The following IFITM2 variants were observed in gnomAD, a reference collection of about 807,000 sequenced individuals.
The protein encoded by IFITM2 is interferon-induced transmembrane protein 2.
Under a neutral mutation model 5.9 loss-of-function variants are expected in IFITM2, and 3 were observed. That is an observed-to-expected ratio of 0.51 (90% CI 0.23 to 1.32). IFITM2 has a LOEUF of 1.32. Ranked by LOEUF, IFITM2 falls within the 40% of genes most tolerant of loss-of-function variation. The pLI is 0.18. For missense variants in IFITM2, 159 were observed against 175.9 expected, an observed-to-expected ratio of 0.90 and a Z score of 0.54; for synonymous variants, 76 against 72.4, an observed-to-expected ratio of 1.05 and a Z score of -0.25.
chr11:308,267 G>A lies in IFITM2; in HGVS notation c.75G>A (p.Glu25=). 6.2e-7 allele frequency: 1 copy of A among 1,614,146 alleles called. No homozygotes were observed. The highest frequency in any genetic ancestry group is 8.5e-7 in the Non-Finnish European group (1 of 1,180,018). The change falls in exon 1 of 2, where the codon GAG becomes GAA. Residue 25 remains glutamate (E), a synonymous_variant. Coordinates refer to ENST00000616316, the MANE Select transcript of IFITM2 (RefSeq NM_006435.3). ...CCAACTACGAGATGCTCAAGGAGGA[G>A]CAGGAAGTGGCTATGCTGGGGGTGC... ...QPPNYEMLKE[E]QEVAMLGVPH...
rs2031091 is a variant in IFITM2 at position 307,878 on chromosome 11, A to G, written c.-315A>G. 0.2 allele frequency: 47,228 copies of G among 236,358 alleles called. 7,755 individuals carry two copies. The highest frequency in any genetic ancestry group is 0.53 in the East Asian group (2,347 of 4,468). 14.6% of individuals were successfully genotyped at this position (236,358 alleles called of 1,614,324 possible). ...GCAGGAGCCCTGAACCGGGACAGTG[A>G]GGTCCTGCAGCTGCTGGCCTGGGGT... On this transcript the variant is annotated 5_prime_UTR_variant, in exon 1 of 2. Coordinates refer to ENST00000616316, the MANE Select transcript of IFITM2 (RefSeq NM_006435.3).
At position 308,206 on chromosome 11, in the gene IFITM2, T is replaced by C. The variant is rs199693024; in HGVS notation, c.14T>C (p.Val5Ala). 19 of 1,614,122 alleles carry C rather than the reference T, an allele frequency of 1.2e-5. No individual in the cohort carries two copies. In the East Asian group the frequency reaches 4.0e-4, roughly 34 times the overall value. Residue 5 changes from valine (V) to alanine (A), a missense_variant, in exon 1 of 2, where the codon GTG (valine) becomes GCG (alanine). Coordinates refer to ENST00000616316, the MANE Select transcript of IFITM2 (RefSeq NM_006435.3). ...CCGCTGGTCACCATGAACCACATTG[T>C]GCAAACCTTCTCTCCTGTCAACAGC... MNHI[V>A]QTFSPVNSGQ...
Position 307,970 on chromosome 11 carries a change from C to T in IFITM2, c.-223C>T, listed in dbSNP as rs1822209474. 4 of 524,118 alleles carry T rather than the reference C, an allele frequency of 7.6e-6. 1 individual carries two copies. In the South Asian group the frequency reaches 9.0e-5, roughly 12 times the overall value. 32.5% of individuals were successfully genotyped at this position (524,118 alleles called of 1,614,324 possible). On this transcript the variant is annotated 5_prime_UTR_variant, in exon 1 of 2. Transcript: ENST00000616316. ...CCACTAACAAGATGAGACTTGTGCT[C>T]CTTTGGGCTCTAGAGAGGAAGCCCC... is the stretch of plus-strand genomic sequence containing the variant.
At chr11:308,479 G>A in intron 1 of IFITM2, 41 bp downstream of exon 1, 5 of 1,609,114 alleles carry the variant, frequency 3.1e-6, no homozygotes, top group East Asian at 2.2e-5. Flanking sequence ...GTGCCGGTGA[G>A]CCTGGGGCTC....
rs1058873 is a variant in IFITM2, at chr11:308,178, T to C, written c.-15T>C. On this transcript the variant is annotated 5_prime_UTR_variant, in exon 1 of 2. Transcript: ENST00000616316. Reference sequence around the variant, plus strand: ...ACTGAGAACCATCCCGGTAACCCGATCACCGCTGGTCACCATGAACCACAT... The same window carrying C: ...ACTGAGAACCATCCCGGTAACCCGACCACCGCTGGTCACCATGAACCACAT... The C allele has an allele frequency of 0.3, 482,955 of 1,607,140 alleles. 81,593 individuals are homozygous for C. Among genetic ancestry groups the C allele is most frequent in the East Asian group, 0.73 (32,495 of 44,616 alleles).
intron 1 of IFITM2, 35 bp downstream of exon 1, chr11:308,473 C>G (rs554873373): frequency 6.2e-7 from 1 of 1,610,336 alleles, no homozygotes; most frequent in East Asian, 2.2e-5. Context: ...CAGGGGGTGC[C>G]GGTGAGCCTG....
rs183884765 is a variant in IFITM2 at position 309,274 on chromosome 11, C to G, written c.*109C>G. The G allele has an allele frequency of 7.5e-6, 12 of 1,598,150 alleles. No individual in the cohort carries two copies. The Middle Eastern group carries it at 5.0e-4, about 66-fold the overall frequency. Reference sequence around the variant, plus strand: ...AGAGGCCAGGAGCTCTGCCCTTGACCTGTATTCCACTTACTCCACCTTCCA... The same window carrying G: ...AGAGGCCAGGAGCTCTGCCCTTGACGTGTATTCCACTTACTCCACCTTCCA... On this transcript the variant is annotated 3_prime_UTR_variant, in exon 2 of 2. Transcript: ENST00000616316.
In IFITM2 at chr11:308,454, G is replaced by A. The variant is rs759351734; in HGVS notation, c.246+16G>A. 7 of 1,610,438 alleles carry A rather than the reference G, an allele frequency of 4.3e-6. No individual in the cohort carries two copies. The highest frequency in any genetic ancestry group is 1.7e-5 in the Admixed American group (1 of 59,922). Reference sequence around the variant, plus strand: ...CTCCGTGAAGGTGCGTATGGCCCTGGCGGAAATCCAGGGGGTGCCGGTGAG... The same window carrying A: ...CTCCGTGAAGGTGCGTATGGCCCTGACGGAAATCCAGGGGGTGCCGGTGAG... On this transcript the variant is annotated intron_variant, in intron 1 of 1. Coordinates refer to ENST00000616316, the MANE Select transcript of IFITM2 (RefSeq NM_006435.3).
rs930316481 is a variant in IFITM2, at chr11:309,394, G to A, written c.*229G>A. ...ATTCAATAAAGTGTATATGTTTCTGGTGCTGCTGTGACTTCACCTGGGGAG... is the reference window on the plus strand; with the variant it reads ...ATTCAATAAAGTGTATATGTTTCTGATGCTGCTGTGACTTCACCTGGGGAG... On this transcript the variant is annotated 3_prime_UTR_variant, in exon 2 of 2. Coordinates refer to ENST00000616316, the MANE Select transcript of IFITM2 (RefSeq NM_006435.3). 2.4e-5 allele frequency: 28 copies of A among 1,176,852 alleles called. No individual in the cohort carries two copies. The African/African-American group carries it at 3.4e-4, about 14-fold the overall frequency. The allele number at this position is 1,176,852 out of a possible 1,614,324, so 72.9% of individuals were successfully genotyped here.
intron 1 of IFITM2, 50 bp downstream of exon 1, chr11:308,488 T>G: frequency 6.2e-7 from 1 of 1,606,286 alleles, no homozygotes; most frequent in Admixed American, 1.7e-5. Context: ...AGCCTGGGGC[T>G]CCACCTGCCC....
At position 308,334 on chromosome 11, in the gene IFITM2, C is replaced by T. The variant is rs765468211; in HGVS notation, c.142C>T (p.Arg48Cys). ...CCCGATGTCCACCGTGATCCACATC[C>T]GCAGCGAGACCTCCGTGCCTGACCA... ...APPMSTVIHI[R>C]SETSVPDHVV... Residue 48 changes from arginine (R) to cysteine (C), a missense_variant, in exon 1 of 2, where the codon CGC (arginine) becomes TGC (cysteine). By Grantham distance (180) the Arg-to-Cys change is radical. Coordinates refer to ENST00000616316, the MANE Select transcript of IFITM2 (RefSeq NM_006435.3). The T allele has an allele frequency of 4.3e-5, 69 of 1,613,774 alleles. No homozygotes were observed. The highest frequency in any genetic ancestry group is 2.0e-4 in the Admixed American group (12 of 59,994).
In IFITM2 at chr11:309,139, G is replaced by A. The variant is rs763447078; in HGVS notation, c.373G>A (p.Val125Met). ...FMTILLIIIP[V>M]LVVQAQR ...GACCATTCTGCTCATCATCATCCCA[G>A]TGTTGGTCGTCCAGGCCCAGCGATA... is the stretch of plus-strand genomic sequence containing the variant. Residue 125 changes from valine (V) to methionine (M), a missense_variant, in exon 2 of 2, where the codon GTG becomes ATG. Val to Met is a conservative substitution (Grantham distance 21, BLOSUM62 1). Coordinates refer to ENST00000616316, the MANE Select transcript of IFITM2 (RefSeq NM_006435.3). 1.5e-5 allele frequency: 25 copies of A among 1,614,204 alleles called. No homozygotes were observed. Among genetic ancestry groups the A allele is most frequent in the Non-Finnish European group, 2.0e-5 (24 of 1,180,032 alleles).
intron 1 of IFITM2, among the ~76,000 whole-genome samples, 161 bp downstream of exon 1, chr11:308,599 C>CTGTG (rs965377464): frequency 6.6e-6 from 1 of 151,780 alleles, no homozygotes; most frequent in Non-Finnish European, 1.5e-5. Flanking sequence ...TCTGTGTGAT[C>CTGTG]TGTGTGTGTG....
In IFITM2 at chr11:308,330, C is replaced by T. The variant is rs755913433; in HGVS notation, c.138C>T (p.His46=). The T allele has an allele frequency of 6.2e-7, 1 of 1,613,956 alleles. No homozygotes were observed. The highest frequency in any genetic ancestry group is 8.5e-7 in the Non-Finnish European group (1 of 1,179,900). The part of the protein sequence containing the change: ...NPAPPMSTVI[H]IRSETSVPDH... ...CTCCCCCGATGTCCACCGTGATCCA[C>T]ATCCGCAGCGAGACCTCCGTGCCTG... The change falls in exon 1 of 2, where the codon CAC becomes CAT. Residue 46 remains histidine (H), a synonymous_variant. Transcript: ENST00000616316.
In IFITM2 at chr11:309,365, T is replaced by C. The variant is rs1846000345; in HGVS notation, c.*200T>C. The C allele has an allele frequency of 5.1e-6, 7 of 1,377,984 alleles. No individual in the cohort carries two copies. In the South Asian group the frequency reaches 5.5e-5, roughly 11 times the overall value. 85.4% of individuals were successfully genotyped at this position (1,377,984 alleles called of 1,614,324 possible). ...TTTATCCTCACACGCTTTTCTACAATGGCATTCAATAAAGTGTATATGTTT... is the reference window on the plus strand; with the variant it reads ...TTTATCCTCACACGCTTTTCTACAACGGCATTCAATAAAGTGTATATGTTT... On this transcript the variant is annotated 3_prime_UTR_variant, in exon 2 of 2. Transcript: ENST00000616316.
chr11:309,137 C>T lies in IFITM2; in HGVS notation c.371C>T (p.Pro124Leu). The change falls in exon 2 of 2, where the codon CCA becomes CTA. Residue 124 changes from proline to leucine, a missense_variant. Pro to Leu is a moderately conservative substitution (Grantham distance 98). Transcript: ENST00000616316. Reference protein sequence around the residue: ...IFMTILLIIIPVLVVQAQR With the variant: ...IFMTILLIIILVLVVQAQR ...ATGACCATTCTGCTCATCATCATCC[C>T]AGTGTTGGTCGTCCAGGCCCAGCGA... is the stretch of plus-strand genomic sequence containing the variant. 1 of 1,614,240 alleles carries T rather than the reference C, an allele frequency of 6.2e-7. No homozygotes were observed. The highest frequency in any genetic ancestry group is 1.7e-5 in the Admixed American group (1 of 60,032).
rs1310284181 is a variant in IFITM2 at position 308,572 on chromosome 11, C to T, written c.246+134C>T. 10 of 1,356,132 alleles carry T rather than the reference C, an allele frequency of 7.4e-6. No individual in the cohort carries two copies. In the African/African-American group the frequency reaches 1.0e-4, roughly 14 times the overall value. 84.0% of individuals were successfully genotyped at this position (1,356,132 alleles called of 1,614,324 possible). On this transcript the variant is annotated intron_variant, in intron 1 of 1. Coordinates refer to ENST00000616316, the MANE Select transcript of IFITM2 (RefSeq NM_006435.3). ...GTGTGCACGTCTGTCCTGTGTGTGC[C>T]CACGTCAGTGGCTTTGTCTGTGTGA...
rs1845986106 is a variant in IFITM2, at chr11:308,094, C to G, written c.-99C>G. Reference sequence around the variant, plus strand: ...TGGCCCTGGCCAGCTCTGCATTTGACAAATGCCAGGAAGAGGAAACTGTTG... The same window carrying G: ...TGGCCCTGGCCAGCTCTGCATTTGAGAAATGCCAGGAAGAGGAAACTGTTG... On this transcript the variant is annotated 5_prime_UTR_variant, in exon 1 of 2. Coordinates refer to ENST00000616316, the MANE Select transcript of IFITM2 (RefSeq NM_006435.3). The G allele has an allele frequency of 6.6e-7, 1 of 1,508,920 alleles. No homozygotes were observed. Among genetic ancestry groups the G allele is most frequent in the Non-Finnish European group, 9.1e-7 (1 of 1,104,854 alleles). 93.5% of individuals were successfully genotyped at this position (1,508,920 alleles called of 1,614,324 possible). A position where few individuals can be genotyped will look rare whatever the true frequency, so the allele number is the denominator to read the frequency against.
At chr11:308,838 G>A (rs1845994436) in intron 1 of IFITM2, 175 bp from the exon 2 acceptor site, 1 of 895,288 alleles carries the variant, frequency 1.1e-6, no homozygotes, top group Non-Finnish European at 1.8e-6. Flanking sequence ...CCTGTGCTGG[G>A]GCCAAGGCAG....
Sources: gnomAD v4.1 joint callset for allele counts (sites outside exome capture counted in the v4.1 genomes callset) on GRCh38, gnomAD v4.1.1 for gene constraint, MANE v1.5 for transcripts, NCBI Gene and HGNC (gene_info 2026-07-23, HGNC 2026-07-21) for gene names.